FAM185A: variants seen among roughly 807,000 people sequenced by gnomAD.
FAM185A encodes protein FAM185A.
Under a neutral mutation model 45.7 loss-of-function variants are expected in FAM185A, and 21 were observed. That is an observed-to-expected ratio of 0.46 (90% confidence interval 0.33 to 0.66). FAM185A has a LOEUF of 0.66. Among genes scored for constraint, FAM185A ranks in the 30% least tolerant of loss-of-function variants. The pLI is 0.03. For synonymous variants in FAM185A, 117 were observed against 194.0 expected, an observed-to-expected ratio of 0.60 and a Z score of 3.30; for missense variants, 305 against 485.4, an observed-to-expected ratio of 0.63 and a Z score of 3.49.
the FAM185A span, chr7:102,821,953 G>C: frequency 7.5e-7 from 1 of 1,337,698 alleles, no homozygotes; most frequent in Non-Finnish European, 1.0e-6. Context: ...ACTGAAAGCT[G>C]CTATGTATTA....
At chr7:102,803,299 C>T (rs181854274) in intron 7 of FAM185A, among the ~76,000 whole-genome samples, 1 of 152,184 alleles carries the variant, frequency 6.6e-6, no homozygotes, top group South Asian at 2.1e-4. Context: ...ACTAGCTAAC[C>T]GAATCCAACA....
intron 2 of FAM185A, chr7:102,755,554 G>A: frequency 1.6e-6 from 1 of 625,338 alleles, no homozygotes. Flanking sequence ...TTTCGAGCAG[G>A]AGTTAACACC....
chr7:102,786,234 G>A (rs915521176), intron 6 of FAM185A, among the ~76,000 whole-genome samples: 1 of 152,212 alleles, frequency 6.6e-6, no homozygotes, highest in African/African-American at 2.4e-5. Flanking sequence ...CTGTTGGGTG[G>A]ACTGTAAGCT....
intron 6 of FAM185A, among the ~76,000 whole-genome samples, chr7:102,786,095 G>A (rs1335268949): frequency 1.3e-5 from 2 of 152,034 alleles, no homozygotes; most frequent in East Asian, 1.9e-4. Flanking sequence ...CATCATCACT[G>A]GCCATCAGAG....
At chr7:102,796,258 G>A (rs1584353611) in intron 7 of FAM185A, among the ~76,000 whole-genome samples, 2 of 152,232 alleles carry the variant, frequency 1.3e-5, no homozygotes, top group Admixed American at 1.3e-4. Context: ...GGTTATGCCA[G>A]CTGATCGACT....
At chr7:102,830,680 C>T in the FAM185A span, among the ~76,000 whole-genome samples, 1 of 152,184 alleles carries the variant, frequency 6.6e-6, no homozygotes, top group African/African-American at 2.4e-5. Context: ...ACAAACCAAA[C>T]AACATAGAAG....
chr7:102,807,489 T>C (rs550356603), intron 7 of FAM185A, among the ~76,000 whole-genome samples: 59 of 152,246 alleles, frequency 3.9e-4, no homozygotes, highest in African/African-American at 1.3e-3. Context: ...TTGGAGTAAT[T>C]TGGATGTCAG....
chr7:102,771,123 C>A (rs1794717691), intron 4 of FAM185A, among the ~76,000 whole-genome samples: 1 of 152,044 alleles, frequency 6.6e-6, no homozygotes, highest in Admixed American at 6.6e-5. Context: ...AAACCAAATA[C>A]CACATGGTCT....
At chr7:102,834,426 GTGTGATTATATATATTATATATA>G in the FAM185A span, among the ~76,000 whole-genome samples, 2 of 142,116 alleles carry the variant, frequency 1.4e-5, no homozygotes, top group Non-Finnish European at 3.0e-5. Context: ...TTATATATAT[GTGTGATTATATATATTATATATA>G]TGTGATTATA....
At chr7:102,786,666 C>T (rs1401792497) in intron 6 of FAM185A, among the ~76,000 whole-genome samples, 10 of 152,102 alleles carry the variant, frequency 6.6e-5, no homozygotes, top group East Asian at 1.9e-4. Flanking sequence ...CATCACACAC[C>T]GGGGCCTGTT....
intron 6 of FAM185A, among the ~76,000 whole-genome samples, chr7:102,780,465 T>C (rs902792589): frequency 1.3e-5 from 2 of 152,212 alleles, no homozygotes; most frequent in Non-Finnish European, 2.9e-5. Flanking sequence ...TTACCTTAGG[T>C]ATCCAAAAGC....
intron 7 of FAM185A, among the ~76,000 whole-genome samples, chr7:102,798,601 T>C (rs1796584112): frequency 6.6e-6 from 1 of 152,150 alleles, no homozygotes; most frequent in Non-Finnish European, 1.5e-5. Context: ...GGAAGAGATC[T>C]CAGATATGTA....
Position 102,749,049 on chromosome 7 carries a change from G to C in FAM185A, c.-159G>C, listed in dbSNP as rs1457639362. On this transcript the variant is annotated 5_prime_UTR_variant, in exon 1 of 8. Transcript: ENST00000413034. The stretch of plus-strand genomic sequence containing the variant: ...CTGGGGATTGCGCGGCTGATGTTTA[G>C]AACGCCTAGTCAAGCCAACCGGCTC... 1.7e-6 allele frequency: 2 copies of C among 1,154,686 alleles called. No individual in the cohort carries two copies. Among genetic ancestry groups the C allele is most frequent in the Admixed American group, 2.0e-5 (1 of 50,548 alleles). The allele number at this position is 1,154,686 out of a possible 1,614,324, so 71.5% of individuals were successfully genotyped here. A position where few individuals can be genotyped will look rare whatever the true frequency, so the allele number is the denominator to read the frequency against.
intron 7 of FAM185A, among the ~76,000 whole-genome samples, chr7:102,791,381 AC>A (rs1177409206): frequency 6.6e-6 from 1 of 152,250 alleles, no homozygotes; most frequent in African/African-American, 2.4e-5. Context: ...GCTATCTTAA[AC>A]TCAGCAAATA....
At chr7:102,793,343 C>T (rs1185347333) in intron 7 of FAM185A, among the ~76,000 whole-genome samples, 1 of 152,104 alleles carries the variant, frequency 6.6e-6, no homozygotes, top group Non-Finnish European at 1.5e-5. Flanking sequence ...TCCTGAGTAG[C>T]TGGGACTACA....
chr7:102,841,219 T>C, the FAM185A span, among the ~76,000 whole-genome samples: 1 of 152,074 alleles, frequency 6.6e-6, no homozygotes, highest in Non-Finnish European at 1.5e-5. Flanking sequence ...TTTCCCTTTT[T>C]TTAAATTTTT....
the FAM185A span, among the ~76,000 whole-genome samples, chr7:102,838,320 G>A: frequency 4.6e-5 from 7 of 152,112 alleles, no homozygotes; most frequent in Non-Finnish European, 1.0e-4. Context: ...GAGTTAATAT[G>A]AATAAAGCAG....
Position 102,787,393 on chromosome 7 carries a change from A to C in FAM185A, c.990A>C (p.Lys330Asn). 6.5e-7 allele frequency: 1 copy of C among 1,534,868 alleles called. No homozygotes were observed. The highest frequency in any genetic ancestry group is 8.8e-7 in the Non-Finnish European group (1 of 1,135,412). ...SLQAHLQLSG[K>N]EVDVNSEVHV... ...AAGCTCATTTACAGTTATCAGGGAAAGAGGTTGATGTGAACTCAGAAGTCC... is the reference window on the plus strand; with the variant it reads ...AAGCTCATTTACAGTTATCAGGGAACGAGGTTGATGTGAACTCAGAAGTCC... Residue 330 changes from lysine (K) to asparagine (N), a missense_variant, in exon 7 of 8, where the codon AAA becomes AAC. Physicochemically the swap from Lys to Asn is moderately conservative, Grantham distance 94. Transcript: ENST00000413034.
At chr7:102,839,136 T>C in the FAM185A span, among the ~76,000 whole-genome samples, 1 of 152,334 alleles carries the variant, frequency 6.6e-6, no homozygotes, top group South Asian at 2.1e-4. Context: ...TTTGTTATTC[T>C]TTACTCCACT....
Sources: gnomAD v4.1 joint callset for allele counts (sites outside exome capture counted in the v4.1 genomes callset) on GRCh38, gnomAD v4.1.1 for gene constraint, MANE v1.5 for transcripts, NCBI Gene and HGNC (gene_info 2026-07-23, HGNC 2026-07-21) for gene names.